Variants in PRKG1 observed in about 807,000 individuals in gnomAD.
PRKG1 encodes cGMP-dependent protein kinase 1.
PRKG1 carries 35 observed loss-of-function variants against 88.1 expected under a neutral mutation model. The observed-to-expected ratio is 0.40, with a 90% confidence interval of 0.30 to 0.53. The LOEUF (loss-of-function observed/expected upper bound fraction) is 0.53, where lower values mean the gene tolerates loss of function less well. Among genes scored for constraint, PRKG1 ranks in the 20% least tolerant of loss-of-function variants. PRKG1 has a pLI of 0.59. For synonymous variants in PRKG1, 303 were observed against 292.5 expected (o/e 1.04, Z -0.37); for missense variants, 540 against 839.8 (o/e 0.64, Z 4.41).
At chr10:51,407,113 G>GC (rs1229872385) in intron 2 of PRKG1, among the ~76,000 whole-genome samples, 1 of 152,022 alleles carries the variant, frequency 6.6e-6, no homozygotes, top group East Asian at 1.9e-4. Context: ...GGCCTCCCTT[G>GC]CCCAGCCCAT....
chr10:51,111,952 A>G (rs2131898145), intron 1 of PRKG1, among the ~76,000 whole-genome samples: 1 of 152,274 alleles, frequency 6.6e-6, no homozygotes, highest in Non-Finnish European at 1.5e-5. Context: ...TGCTCTTGCC[A>G]TGCTACTATG....
At chr10:51,420,714 A>T (rs942478267) in intron 2 of PRKG1, among the ~76,000 whole-genome samples, 10 of 152,188 alleles carry the variant, frequency 6.6e-5, no homozygotes, top group Non-Finnish European at 1.3e-4. Flanking sequence ...GCCTTGCTCT[A>T]AAGAAATACC....
intron 7 of PRKG1, among the ~76,000 whole-genome samples, chr10:52,095,855 G>A (rs187868480): frequency 3.3e-5 from 5 of 152,250 alleles, no homozygotes; most frequent in Admixed American, 6.5e-5. Flanking sequence ...GGTTTACTAC[G>A]AATGTAATGT....
intron 7 of PRKG1, among the ~76,000 whole-genome samples, chr10:52,072,365 A>C (rs1431279534): frequency 6.6e-6 from 1 of 151,994 alleles, no homozygotes; most frequent in Non-Finnish European, 1.5e-5. Flanking sequence ...ACAAAACAAA[A>C]AGATGCTGTC....
chr10:51,172,092 G>T (rs1837040054), intron 2 of PRKG1, among the ~76,000 whole-genome samples: 1 of 151,736 alleles, frequency 6.6e-6, no homozygotes, highest in Non-Finnish European at 1.5e-5. Context: ...TTTTTCAAAG[G>T]GTATTTACCT....
intron 3 of PRKG1, among the ~76,000 whole-genome samples, chr10:51,771,180 A>G (rs1179726733): frequency 1.3e-5 from 2 of 152,210 alleles, no homozygotes; most frequent in African/African-American, 4.8e-5. Context: ...CTGTTGCAAC[A>G]ACCTAATCAA....
intron 2 of PRKG1, among the ~76,000 whole-genome samples, chr10:51,199,089 G>A (rs1366423113): frequency 6.6e-6 from 1 of 152,102 alleles, no homozygotes; most frequent in Non-Finnish European, 1.5e-5. Context: ...TCCTTTTTCT[G>A]GGGTAAAATT....
intron 4 of PRKG1, among the ~76,000 whole-genome samples, chr10:51,870,928 TACTCTAC>T (rs1315717981): frequency 2.0e-5 from 3 of 152,196 alleles, no homozygotes; most frequent in Admixed American, 1.3e-4. Context: ...CAGCCTGAGT[TACTCTAC>T]ACTCTTCAAC....
chr10:51,781,878 G>T (rs1001747978), intron 3 of PRKG1, among the ~76,000 whole-genome samples: 1 of 151,514 alleles, frequency 6.6e-6, no homozygotes, highest in East Asian at 1.9e-4. Context: ...GCAATATTGG[G>T]CAAAGTACTT....
At position 51,703,087 on chromosome 10, in the gene PRKG1, CTTTATT is replaced by C. The variant is rs1231369290; in HGVS notation, c.593-101493_593-101488del. Among the ~76,000 whole-genome samples, 17 of 152,284 alleles carry C rather than the reference CTTTATT, an allele frequency of 1.1e-4. No homozygotes were observed. The East Asian group carries it at 3.3e-3, about 29-fold the overall frequency. On this transcript the variant is annotated intron_variant, in intron 3 of 17. Coordinates refer to ENST00000373980, the MANE Select transcript of PRKG1 (RefSeq NM_006258.4). ...ATCGGTACATTAACTGAAAAGTATACTTTATTTTTAACAAAGAACAGGATTATGCAA... is the reference window on the plus strand; with the variant it reads ...ATCGGTACATTAACTGAAAAGTATACTTTAACAAAGAACAGGATTATGCAA...
chr10:52,075,243 G>A (rs2133293290), intron 7 of PRKG1, among the ~76,000 whole-genome samples: 1 of 152,260 alleles, frequency 6.6e-6, no homozygotes, highest in South Asian at 2.1e-4. Flanking sequence ...TCTCTTCACT[G>A]AAAATTACAA....
chr10:51,045,396 A>T (rs192441128), intron 1 of PRKG1, among the ~76,000 whole-genome samples: 9 of 152,116 alleles, frequency 5.9e-5, no homozygotes, highest in African/African-American at 1.9e-4. Flanking sequence ...ATCTTGGCTC[A>T]CTGCAACCTC....
chr10:51,557,342 AC>A (rs1397856107), intron 3 of PRKG1, among the ~76,000 whole-genome samples: 1 of 134,288 alleles, frequency 7.4e-6, no homozygotes, highest in South Asian at 2.7e-4. Flanking sequence ...GGCATACACC[AC>A]CACCCCCCCA....
chr10:52,174,120 A>G (rs1838790214), intron 9 of PRKG1, among the ~76,000 whole-genome samples: 1 of 151,606 alleles, frequency 6.6e-6, no homozygotes, highest in Non-Finnish European at 1.5e-5. Flanking sequence ...TTTATTTTTT[A>G]TTTTTTGGTA....
At chr10:51,039,527 C>A (rs750577273) in intron 1 of PRKG1, among the ~76,000 whole-genome samples, 2 of 151,908 alleles carry the variant, frequency 1.3e-5, no homozygotes, top group African/African-American at 2.4e-5. Flanking sequence ...TCTCCCATTC[C>A]TTGGGTTGTG....
At chr10:51,545,548 G>C (rs1240800150) in intron 3 of PRKG1, among the ~76,000 whole-genome samples, 1 of 152,030 alleles carries the variant, frequency 6.6e-6, no homozygotes, top group East Asian at 1.9e-4. Flanking sequence ...GAGAAGTAGG[G>C]ACAACAAGCT....
At chr10:52,213,176 A>G (rs1380168655) in intron 9 of PRKG1, among the ~76,000 whole-genome samples, 3 of 152,058 alleles carry the variant, frequency 2.0e-5, no homozygotes, top group African/African-American at 7.2e-5. Flanking sequence ...TATAATAAAA[A>G]AAATAAAAAT....
rs79851331 is a variant in PRKG1 at position 51,762,217 on chromosome 10, T to C, written c.593-42368T>C. ...GGAGGCATACTTAATGTGAATCTCCTAGTTTCTCATAATACCTTACAAGAT... is the reference window on the plus strand; with the variant it reads ...GGAGGCATACTTAATGTGAATCTCCCAGTTTCTCATAATACCTTACAAGAT... On this transcript the variant is annotated intron_variant, in intron 3 of 17. Transcript: ENST00000373980. 3.3e-4 allele frequency among the ~76,000 whole-genome samples: 50 copies of C among 152,310 alleles called. No homozygotes were observed. The East Asian group carries it at 9.5e-3, about 29-fold the overall frequency.
intron 1 of PRKG1, among the ~76,000 whole-genome samples, chr10:51,075,654 A>G (rs781375553): frequency 1.3e-5 from 2 of 152,236 alleles, no homozygotes; most frequent in Non-Finnish European, 2.9e-5. Flanking sequence ...AGGGTCAGAT[A>G]CAGATAAGCA....
Sources: allele counts gnomAD v4.1 joint callset (sites outside exome capture counted in the v4.1 genomes callset), GRCh38; gene constraint gnomAD v4.1.1; transcripts MANE v1.5; gene names NCBI Gene and HGNC (gene_info 2026-07-23, HGNC 2026-07-21).